CHCHD3: variants seen among roughly 807,000 people sequenced by gnomAD.
CHCHD3 encodes the protein MICOS complex subunit MIC19.
A neutral mutation model predicts 38.2 loss-of-function variants in CHCHD3; 20 were observed. The ratio of observed to expected loss-of-function variants is 0.52; its 90% CI spans 0.37 to 0.76. The LOEUF is 0.76. CHCHD3 is among the 30% of genes least tolerant of loss of function. The pLI, the probability that CHCHD3 is intolerant of heterozygous loss-of-function variation, is 0.00. For missense variants in CHCHD3, 245 were observed against 279.2 expected (o/e 0.88, Z 0.87); for synonymous variants, 82 against 100.0 (o/e 0.82, Z 1.07).
At chr7:133,066,901 G>C (rs1814685613) in intron 2 of CHCHD3, among the ~76,000 whole-genome samples, 1 of 152,168 alleles carries the variant, frequency 6.6e-6, no homozygotes, top group Non-Finnish European at 1.5e-5. Flanking sequence ...CTAAAAAGCA[G>C]CTCCTTCATT....
chr7:132,839,778 C>A (rs1807890958), intron 5 of CHCHD3, among the ~76,000 whole-genome samples: 1 of 152,168 alleles, frequency 6.6e-6, no homozygotes, highest in Non-Finnish European at 1.5e-5. Flanking sequence ...GATTAGATAG[C>A]AGACTCAGGG....
At chr7:132,872,905 T>C (rs1808800746) in intron 5 of CHCHD3, among the ~76,000 whole-genome samples, 1 of 151,884 alleles carries the variant, frequency 6.6e-6, no homozygotes, top group African/African-American at 2.4e-5. Context: ...CAGCTCGACA[T>C]CAGCCGGGCA....
chr7:132,818,905 C>T (rs1265512200), intron 6 of CHCHD3, among the ~76,000 whole-genome samples: 2 of 152,162 alleles, frequency 1.3e-5, no homozygotes, highest in Non-Finnish European at 2.9e-5. Flanking sequence ...CTGGCATGTA[C>T]TAGAGATGAA....
chr7:132,985,875 GC>G (rs1812104426), intron 3 of CHCHD3, among the ~76,000 whole-genome samples: 1 of 126,424 alleles, frequency 7.9e-6, no homozygotes, highest in Non-Finnish European at 1.7e-5. Flanking sequence ...GAGCCCCTCT[GC>G]CCGGCCACCA....
chr7:132,859,439 C>T (rs1338932330), intron 5 of CHCHD3, among the ~76,000 whole-genome samples: 2 of 152,108 alleles, frequency 1.3e-5, no homozygotes, highest in Admixed American at 6.5e-5. Context: ...AATTGGCTAA[C>T]AAGTCAATGA....
intron 5 of CHCHD3, among the ~76,000 whole-genome samples, chr7:132,882,643 C>T (rs539955360): frequency 9.2e-5 from 14 of 152,022 alleles, no homozygotes; most frequent in South Asian, 2.1e-4. Flanking sequence ...TCTTCTCAGA[C>T]GTTTGTACCA....
chr7:132,854,997 T>C (rs1808312903), intron 5 of CHCHD3, among the ~76,000 whole-genome samples: 1 of 152,222 alleles, frequency 6.6e-6, no homozygotes, highest in South Asian at 2.1e-4. Flanking sequence ...CGTTTGATTT[T>C]ATGATAAAAA....
At chr7:132,891,155 T>C (rs565716447) in intron 4 of CHCHD3, among the ~76,000 whole-genome samples, 2 of 152,358 alleles carry the variant, frequency 1.3e-5, no homozygotes, top group East Asian at 3.9e-4. Flanking sequence ...TTCAATTAAT[T>C]GAATTCTAGG....
intron 7 of CHCHD3, among the ~76,000 whole-genome samples, chr7:132,791,654 C>T (rs1007568795): frequency 6.6e-6 from 1 of 152,154 alleles, no homozygotes; most frequent in African/African-American, 2.4e-5. Context: ...AAATACAGTT[C>T]ACCGGGGAGA....
chr7:132,907,141 A>C (rs1292343232), intron 4 of CHCHD3, among the ~76,000 whole-genome samples: 1 of 152,188 alleles, frequency 6.6e-6, no homozygotes, highest in Non-Finnish European at 1.5e-5. Flanking sequence ...CTCAATGAAA[A>C]CCTGTGTTGT....
At chr7:132,815,705 G>A (rs1224414461) in intron 6 of CHCHD3, 12 of 351,718 alleles carry the variant, frequency 3.4e-5, no homozygotes, top group Non-Finnish European at 6.2e-5. Context: ...TTAGGCTTTC[G>A]TCCTTCTTTT....
At chr7:133,026,852 T>C (rs979414539) in intron 2 of CHCHD3, among the ~76,000 whole-genome samples, 1 of 152,160 alleles carries the variant, frequency 6.6e-6, no homozygotes, top group Non-Finnish European at 1.5e-5. Context: ...AGATTAGTAG[T>C]TCCCTGCAGT....
chr7:132,909,869 G>A (rs1050379688), intron 4 of CHCHD3, among the ~76,000 whole-genome samples: 1 of 152,142 alleles, frequency 6.6e-6, no homozygotes, highest in Non-Finnish European at 1.5e-5. Flanking sequence ...TTCAGCAATG[G>A]TTACAGAGAA....
At chr7:133,044,504 C>T (rs1379734062) in intron 2 of CHCHD3, among the ~76,000 whole-genome samples, 3 of 151,912 alleles carry the variant, frequency 2.0e-5, no homozygotes, top group Non-Finnish European at 4.4e-5. Context: ...AAAATAATAA[C>T]AATAATAATA....
intron 6 of CHCHD3, among the ~76,000 whole-genome samples, chr7:132,835,941 C>T (rs1476377849): frequency 2.0e-5 from 3 of 152,132 alleles, no homozygotes; most frequent in Admixed American, 6.5e-5. Context: ...AGCAGATGGC[C>T]ATCTATAAGC....
intron 4 of CHCHD3, among the ~76,000 whole-genome samples, chr7:132,928,985 C>T (rs1810451433): frequency 1.3e-5 from 2 of 152,112 alleles, no homozygotes; most frequent in African/African-American, 4.8e-5. Flanking sequence ...CTTCTCTTGC[C>T]ATTGGCTTCT....
intron 3 of CHCHD3, among the ~76,000 whole-genome samples, chr7:132,992,558 G>A (rs1812311364): frequency 6.6e-6 from 1 of 152,186 alleles, no homozygotes; most frequent in Admixed American, 6.5e-5. Flanking sequence ...GCCCAGAAAT[G>A]TGGCTAGTCC....
chr7:132,798,268 A>G (rs1007583148), intron 6 of CHCHD3, among the ~76,000 whole-genome samples: 3 of 152,190 alleles, frequency 2.0e-5, no homozygotes, highest in East Asian at 1.9e-4. Context: ...TTTTTCATTC[A>G]TTACCTTACT....
At position 132,885,670 on chromosome 7, in the gene CHCHD3, C is replaced by T. The variant is rs1172381399; in HGVS notation, c.445G>A (p.Glu149Lys). The T allele has an allele frequency of 1.9e-6, 3 of 1,603,708 alleles. No individual in the cohort carries two copies. The highest frequency in any genetic ancestry group is 2.6e-6 in the Non-Finnish European group (3 of 1,176,292). ...AFYKEQLARL[E>K]ERSSEFYRVT... ...ATAAAAAATAGTCATACCCTCTCCT[C>T]CAGTCTAGCCAGCTGTTCTTTGTAG... The change falls in exon 5 of 8, where the codon GAG becomes AAG. Residue 149 changes from glutamate (E) to lysine (K), a missense_variant. By Grantham distance (56) the Glu-to-Lys change is moderately conservative (BLOSUM62 1). Coordinates refer to ENST00000262570, the MANE Select transcript of CHCHD3 (RefSeq NM_017812.4).
Sources: allele counts gnomAD v4.1 joint callset (sites outside exome capture counted in the v4.1 genomes callset), GRCh38; gene constraint gnomAD v4.1.1; transcripts MANE v1.5; gene names NCBI Gene and HGNC (gene_info 2026-07-23, HGNC 2026-07-21).